The following STPG2 variants were observed in gnomAD, a reference collection of about 807,000 sequenced individuals.
The protein encoded by STPG2 is sperm tail PG-rich repeat containing 2, also known as sperm-tail PG-rich repeat-containing protein 2.
Under a neutral mutation model 54.2 loss-of-function variants are expected in STPG2, and 56 were observed. The ratio of observed to expected loss-of-function variants is 1.03; its 90% CI spans 0.83 to 1.29. The LOEUF is 1.29. Among genes scored for constraint, STPG2 ranks in the 50% most tolerant of loss-of-function variants. STPG2 has a pLI of 0.00. For synonymous variants in STPG2, 200 were observed against 181.8 expected (o/e 1.10, Z -0.81); for missense variants, 596 against 544.9 (o/e 1.09, Z -0.93).
intron 10 of STPG2, among the ~76,000 whole-genome samples, chr4:97,560,018 G>A (rs1177713925): frequency 1.3e-5 from 2 of 152,056 alleles, no homozygotes; most frequent in African/African-American, 2.4e-5. Flanking sequence ...AAATCTGAAC[G>A]GTAGGGTGAT....
At position 97,574,657 on chromosome 4, in the gene STPG2, T is replaced by G. The variant is rs536790012; in HGVS notation, c.1321-15540A>C. On this transcript the variant is annotated intron_variant, in intron 10 of 10. Transcript: ENST00000295268. ...ACCGTCCCAGGTTTTATGGTTTGTT[T>G]CAGGGTGAAAGGGGCTGGTAGAATT... is the stretch of plus-strand genomic sequence containing the variant. Among the ~76,000 whole-genome samples, 27 of 152,116 alleles carry G rather than the reference T, an allele frequency of 1.8e-4. No homozygotes were observed. In the South Asian group the frequency reaches 5.6e-3, roughly 31 times the overall value.
intron 10 of STPG2, among the ~76,000 whole-genome samples, chr4:97,610,425 G>C (rs986995817): frequency 6.6e-6 from 1 of 151,942 alleles, no homozygotes; most frequent in African/African-American, 2.4e-5. Flanking sequence ...CTACAATTGA[G>C]ACTACAAAAC....
At chr4:97,924,270 G>A (rs1019003594) in intron 8 of STPG2, among the ~76,000 whole-genome samples, 2 of 152,196 alleles carry the variant, frequency 1.3e-5, no homozygotes, top group Admixed American at 1.3e-4. Flanking sequence ...CTTGAAGTCA[G>A]TGAGACCAAG....
intron 8 of STPG2, among the ~76,000 whole-genome samples, chr4:97,931,822 G>A (rs975694460): frequency 2.0e-5 from 3 of 151,932 alleles, no homozygotes; most frequent in Non-Finnish European, 2.9e-5. Flanking sequence ...AACTGTACCA[G>A]CTCTTCTTTG....
At chr4:97,762,644 C>T (rs1311389217) in intron 9 of STPG2, among the ~76,000 whole-genome samples, 1 of 152,110 alleles carries the variant, frequency 6.6e-6, no homozygotes, top group Non-Finnish European at 1.5e-5. Context: ...AAAATCAAAG[C>T]TATTGCCTCT....
chr4:98,112,231 T>C (rs1222797815), intron 3 of STPG2, among the ~76,000 whole-genome samples: 1 of 152,122 alleles, frequency 6.6e-6, no homozygotes, highest in Non-Finnish European at 1.5e-5. Flanking sequence ...TATAACACCA[T>C]ATATTTATTG....
At chr4:97,946,278 G>C (rs1488969909) in intron 7 of STPG2, among the ~76,000 whole-genome samples, 1 of 151,988 alleles carries the variant, frequency 6.6e-6, no homozygotes, top group African/African-American at 2.4e-5. Context: ...TGAGTTCCTT[G>C]TAGATTCTGC....
At chr4:97,582,775 A>G (rs758089213) in intron 10 of STPG2, among the ~76,000 whole-genome samples, 25 of 152,046 alleles carry the variant, frequency 1.6e-4, no homozygotes, top group Admixed American at 4.6e-4. Flanking sequence ...AGCTATCAAA[A>G]TATAAATTTT....
intron 3 of STPG2, among the ~76,000 whole-genome samples, chr4:98,116,061 C>T (rs1739514651): frequency 6.6e-6 from 1 of 151,766 alleles, no homozygotes; most frequent in African/African-American, 2.4e-5. Flanking sequence ...ATTAGGCCAT[C>T]AAATAAATTA....
At chr4:98,071,261 T>C (rs1403295168) in intron 5 of STPG2, among the ~76,000 whole-genome samples, 1 of 152,116 alleles carries the variant, frequency 6.6e-6, no homozygotes, top group East Asian at 1.9e-4. Flanking sequence ...GAAATAAGAC[T>C]GCATACCTAC....
intron 4 of STPG2, among the ~76,000 whole-genome samples, chr4:97,447,202 G>A (rs770591639): frequency 6.6e-6 from 1 of 152,178 alleles, no homozygotes; most frequent in Non-Finnish European, 1.5e-5. Context: ...CTGGAAATCT[G>A]TGGAGCATTG....
intron 4 of STPG2, among the ~76,000 whole-genome samples, chr4:97,470,695 T>A (rs1393247310): frequency 2.7e-5 from 4 of 149,268 alleles, no homozygotes; most frequent in African/African-American, 2.6e-5. Context: ...ATGTGGTCTT[T>A]CTCTTTCTCT....
chr4:97,600,727 T>C (rs1560680006), intron 10 of STPG2, among the ~76,000 whole-genome samples: 1 of 152,084 alleles, frequency 6.6e-6, no homozygotes, highest in Non-Finnish European at 1.5e-5. Flanking sequence ...TGCATATGCA[T>C]AGTGGGGGAA....
chr4:98,092,305 A>C (rs570788805), intron 5 of STPG2, among the ~76,000 whole-genome samples: 77 of 152,180 alleles, frequency 5.1e-4, no homozygotes, highest in Admixed American at 1.5e-3. Flanking sequence ...AGCAATCAGA[A>C]TTTGAGATAC....
chr4:97,833,006 A>G (rs1728515332), intron 9 of STPG2, among the ~76,000 whole-genome samples: 1 of 152,184 alleles, frequency 6.6e-6, no homozygotes, highest in Non-Finnish European at 1.5e-5. Flanking sequence ...ATTGGAAAAA[A>G]CTACTTTAAA....
chr4:97,555,188 T>C (rs1732049593), downstream of STPG2, among the ~76,000 whole-genome samples: 1 of 152,202 alleles, frequency 6.6e-6, no homozygotes, highest in South Asian at 2.1e-4. Context: ...CTTCTTTCTT[T>C]GTTTCAGAGA....
intron 10 of STPG2, among the ~76,000 whole-genome samples, chr4:97,646,241 G>A (rs1721908912): frequency 6.6e-6 from 1 of 152,118 alleles, no homozygotes; most frequent in African/African-American, 2.4e-5. Flanking sequence ...TTTGCACACA[G>A]TGCAAGGCTA....
chr4:97,456,473 C>T (rs1486823280), intron 4 of STPG2, among the ~76,000 whole-genome samples: 1 of 152,180 alleles, frequency 6.6e-6, no homozygotes, highest in South Asian at 2.1e-4. Context: ...AAGCACCAAA[C>T]CCCTCCTCCA....
chr4:97,692,786 G>A (rs1723414973), intron 10 of STPG2, among the ~76,000 whole-genome samples: 1 of 152,108 alleles, frequency 6.6e-6, no homozygotes, highest in Non-Finnish European at 1.5e-5. Context: ...AATTTAAAGA[G>A]CTGTGAGGCA....
Sources: gnomAD v4.1 joint callset for allele counts (sites outside exome capture counted in the v4.1 genomes callset) on GRCh38, gnomAD v4.1.1 for gene constraint, MANE v1.5 for transcripts, NCBI Gene and HGNC (gene_info 2026-07-23, HGNC 2026-07-21) for gene names.